Variants in RBFOX3 observed in about 807,000 individuals in gnomAD.
RBFOX3 encodes RNA binding protein fox-1 homolog 3.
In RBFOX3, 17 loss-of-function variants were observed where a neutral mutation model predicts 48.7. The ratio of observed to expected loss-of-function variants is 0.35; its 90% CI spans 0.24 to 0.52. The LOEUF (loss-of-function observed/expected upper bound fraction) is 0.52, where lower values mean the gene tolerates loss of function less well. Among genes scored for constraint, RBFOX3 ranks in the 20% least tolerant of loss-of-function variants. The pLI is 0.94. For synonymous variants in RBFOX3, 212 were observed against 209.5 expected, an observed-to-expected ratio of 1.01 and a Z score of -0.10; for missense variants, 382 against 497.5, an observed-to-expected ratio of 0.77 and a Z score of 2.21.
chr17:79,508,373 A>G (rs2083489563), intron 1 of RBFOX3, among the ~76,000 whole-genome samples: 1 of 152,094 alleles, frequency 6.6e-6, no homozygotes, highest in Non-Finnish European at 1.5e-5. Context: ...GGGCGTCCTG[A>G]GCCGCCAGCC....
At chr17:79,268,108 G>A (rs373045643) in intron 3 of RBFOX3, among the ~76,000 whole-genome samples, 9 of 152,098 alleles carry the variant, frequency 5.9e-5, no homozygotes, top group South Asian at 4.2e-4. Flanking sequence ...TCCTGGAGGC[G>A]GAGTAGATGC....
chr17:79,662,018 T>C, the RBFOX3 span, among the ~76,000 whole-genome samples: 1 of 152,128 alleles, frequency 6.6e-6, no homozygotes, highest in Non-Finnish European at 1.5e-5. Context: ...ATATTTCCCC[T>C]TGTGGTTAAT....
the RBFOX3 span, among the ~76,000 whole-genome samples, chr17:79,653,514 G>T: frequency 6.6e-6 from 1 of 152,202 alleles, no homozygotes; most frequent in Admixed American, 6.5e-5. Flanking sequence ...CGAAGATTGA[G>T]GTTTCATTGT....
intron 4 of RBFOX3, among the ~76,000 whole-genome samples, chr17:79,222,725 G>A (rs149725712): frequency 4.7e-4 from 71 of 152,326 alleles, no homozygotes; most frequent in Middle Eastern, 3.4e-3. Context: ...CCTGCCCTGG[G>A]CACACAGGCA....
chr17:79,314,034 A>G (rs2077202514), intron 2 of RBFOX3, among the ~76,000 whole-genome samples: 2 of 152,216 alleles, frequency 1.3e-5, no homozygotes, highest in African/African-American at 4.8e-5. Context: ...GAGGGCAGCG[A>G]GTGGTCACAG....
chr17:79,534,480 T>G (rs1478206353), intron 1 of RBFOX3, among the ~76,000 whole-genome samples: 1 of 152,188 alleles, frequency 6.6e-6, no homozygotes, highest in Non-Finnish European at 1.5e-5. Flanking sequence ...GAGCAGGGTA[T>G]GTCGTCACAT....
chr17:79,214,041 G>A lies in RBFOX3; in HGVS notation c.-34+21725C>T, dbSNP rs1418125611. ...AAGGTGGTGCCAGCGGATGTTGGGAGGCCCGGTGAACTACAGCCAACCCTC... is the reference window on the plus strand; with the variant it reads ...AAGGTGGTGCCAGCGGATGTTGGGAAGCCCGGTGAACTACAGCCAACCCTC... On this transcript the variant is annotated intron_variant, in intron 4 of 14. Transcript: ENST00000693108. The surrounding 1 kb of genome is among the most constrained non-coding windows in gnomAD (Gnocchi z 4.7). Among the ~76,000 whole-genome samples, 1 of 152,164 alleles carries A rather than the reference G, an allele frequency of 6.6e-6. No individual in the cohort carries two copies. Among genetic ancestry groups the A allele is most frequent in the Non-Finnish European group, 1.5e-5 (1 of 68,036 alleles).
intron 1 of RBFOX3, among the ~76,000 whole-genome samples, chr17:79,597,366 C>T (rs1417044049): frequency 1.3e-5 from 2 of 152,158 alleles, no homozygotes; most frequent in African/African-American, 4.8e-5. Context: ...CACAGTCCTC[C>T]TACAGACTTG....
intron 2 of RBFOX3, among the ~76,000 whole-genome samples, chr17:79,469,945 C>T (rs1429130942): frequency 1.3e-5 from 2 of 152,118 alleles, no homozygotes; most frequent in African/African-American, 4.8e-5. Flanking sequence ...ACCATCTCAT[C>T]GTCTCCAGCC....
intron 4 of RBFOX3, chr17:79,136,042 C>T (rs985212237): frequency 1.3e-5 from 2 of 152,310 alleles, no homozygotes; most frequent in Non-Finnish European, 1.5e-5. Flanking sequence ...GGGTCTCCCT[C>T]CTGTACATCT....
intron 1 of RBFOX3, among the ~76,000 whole-genome samples, chr17:79,548,462 C>T (rs1306896901): frequency 2.0e-5 from 3 of 152,362 alleles, no homozygotes; most frequent in African/African-American, 4.8e-5. Context: ...CCCCGTGGCA[C>T]GGCTGCCACC....
chr17:79,534,569 G>A (rs915866954), intron 1 of RBFOX3, among the ~76,000 whole-genome samples: 7 of 152,254 alleles, frequency 4.6e-5, no homozygotes, highest in South Asian at 2.1e-4. Context: ...GTCCAGGCTC[G>A]GAACCAGCCA....
At chr17:79,097,256 C>A (rs1214206748) in intron 11 of RBFOX3, 36 bp downstream of exon 11, 1 of 1,510,342 alleles carries the variant, frequency 6.6e-7, no homozygotes, top group Admixed American at 2.0e-5. Context: ...GCCGTCCTAC[C>A]CCCTCCTCCA....
At chr17:79,607,623 G>A (rs1204521096) in intron 1 of RBFOX3, among the ~76,000 whole-genome samples, 1 of 152,174 alleles carries the variant, frequency 6.6e-6, no homozygotes, top group Non-Finnish European at 1.5e-5. Flanking sequence ...CACCATCTGC[G>A]TATATGGGGG....
chr17:79,187,340 G>C (rs981257987), intron 4 of RBFOX3, among the ~76,000 whole-genome samples: 4 of 152,232 alleles, frequency 2.6e-5, no homozygotes, highest in African/African-American at 9.6e-5. Context: ...ACCATCCTCA[G>C]GCTTCCCCTG....
Position 79,416,041 on chromosome 17 carries a change from G to A in RBFOX3, c.-175+66413C>T, listed in dbSNP as rs546168603. ...CATGCCTGCGCTGCCTCCTTCTGCC[G>A]CCGCCTCTTCCTCTCGCCTGCACTC... On this transcript the variant is annotated intron_variant, in intron 2 of 14. Coordinates refer to ENST00000693108, the MANE Select transcript of RBFOX3 (RefSeq NM_001350451.2). 5.5e-4 allele frequency among the ~76,000 whole-genome samples: 84 copies of A among 152,248 alleles called. No homozygotes were observed. The South Asian group carries it at 0.015, about 27-fold the overall frequency.
chr17:79,398,357 G>A (rs1162890434), intron 2 of RBFOX3, among the ~76,000 whole-genome samples: 1 of 152,186 alleles, frequency 6.6e-6, no homozygotes. Flanking sequence ...GGGTGAAGGT[G>A]TCCCGTCACC....
intron 4 of RBFOX3, among the ~76,000 whole-genome samples, chr17:79,224,844 C>A (rs571909371): frequency 6.6e-6 from 1 of 152,220 alleles, no homozygotes; most frequent in African/African-American, 2.4e-5. Context: ...GAACTCAGAG[C>A]AAGATTTTAC....
chr17:79,625,188 C>T, the RBFOX3 span, among the ~76,000 whole-genome samples: 1 of 152,180 alleles, frequency 6.6e-6, no homozygotes, highest in South Asian at 2.1e-4. Flanking sequence ...CACCCCCGGG[C>T]AACCACTGCC....
Sources: allele counts gnomAD v4.1 joint callset (sites outside exome capture counted in the v4.1 genomes callset), GRCh38; gene constraint gnomAD v4.1.1; non-coding constraint Gnocchi (gnomAD v3.1); transcripts MANE v1.5; gene names NCBI Gene and HGNC (gene_info 2026-07-23, HGNC 2026-07-21).